RGS6: variants seen among roughly 807,000 people sequenced by gnomAD.
The protein encoded by RGS6 is regulator of G protein signaling 6.
Under a neutral mutation model 78.5 loss-of-function variants are expected in RGS6, and 30 were observed. That is an observed-to-expected ratio of 0.38 (90% CI 0.29 to 0.52). RGS6 has a LOEUF of 0.52. Ranked by LOEUF, RGS6 falls within the 20% of genes least tolerant of loss-of-function variation. The pLI, the probability that RGS6 is intolerant of heterozygous loss-of-function variation, is 0.85. For synonymous variants in RGS6, 206 were observed against 206.0 expected (o/e 1.00, Z 0.00); for missense variants, 495 against 609.7 (o/e 0.81, Z 1.98).
intron 2 of RGS6, among the ~76,000 whole-genome samples, chr14:72,004,285 A>G (rs920080634): frequency 3.9e-5 from 6 of 152,220 alleles, no homozygotes; most frequent in Non-Finnish European, 7.3e-5. Context: ...GGCTTTAAAA[A>G]ATATGAATGG....
rs1016654205 is a variant in RGS6 at position 72,480,853 on chromosome 14, C to T, written c.854+2524C>T. ...TCCATATCCCCCAGGAAACCGCATC[C>T]CCCAGGAAAGGTCTTCATCATTTTT... On this transcript the variant is annotated intron_variant, in intron 12 of 17. Transcript: ENST00000553525. Among the ~76,000 whole-genome samples the T allele has an allele frequency of 2.0e-5, 3 of 152,250 alleles. No individual in the cohort carries two copies. The South Asian group carries it at 6.2e-4, about 32-fold the overall frequency.
intron 2 of RGS6, among the ~76,000 whole-genome samples, chr14:72,238,365 G>C (rs143340893): frequency 1.3e-5 from 2 of 152,268 alleles, no homozygotes; most frequent in Non-Finnish European, 2.9e-5. Context: ...AGGCTTGAGG[G>C]TGGGGCCTTT....
chr14:71,888,295 G>A, the RGS6 span, among the ~76,000 whole-genome samples: 7 of 151,910 alleles, frequency 4.6e-5, no homozygotes, highest in African/African-American at 1.7e-4. Flanking sequence ...AGGTGTGGTG[G>A]TGGGCACCTG....
chr14:72,351,226 C>A (rs2079055151), intron 2 of RGS6, among the ~76,000 whole-genome samples: 1 of 152,158 alleles, frequency 6.6e-6, no homozygotes, highest in African/African-American at 2.4e-5. Flanking sequence ...GTTGCTCTCC[C>A]TTCCCCAAAC....
intron 17 of RGS6, chr14:72,540,830 A>C (rs2097315544): frequency 1.0e-6 from 1 of 985,294 alleles, no homozygotes; most frequent in Non-Finnish European, 1.2e-6. Flanking sequence ...AGATTCCTAC[A>C]GGTTCATGGT....
the RGS6 span, among the ~76,000 whole-genome samples, chr14:72,607,663 A>T: frequency 6.6e-6 from 1 of 152,194 alleles, no homozygotes; most frequent in Non-Finnish European, 1.5e-5. Context: ...TGTCTGTGTA[A>T]TCGTCTGCTG....
At chr14:72,072,317 T>G (rs542522942) in intron 2 of RGS6, among the ~76,000 whole-genome samples, 100 of 151,910 alleles carry the variant, frequency 6.6e-4, no homozygotes, top group Non-Finnish European at 8.5e-4. Flanking sequence ...TTGTTTGTTT[T>G]TTTTTTTTTT....
At chr14:72,482,042 C>T (rs565337118) in intron 12 of RGS6, among the ~76,000 whole-genome samples, 4 of 152,154 alleles carry the variant, frequency 2.6e-5, no homozygotes, top group East Asian at 1.9e-4. Context: ...GATCTCCTGA[C>T]GTCGTGATCC....
intron 2 of RGS6, among the ~76,000 whole-genome samples, chr14:72,214,776 T>C (rs904504408): frequency 1.3e-5 from 2 of 151,870 alleles, no homozygotes; most frequent in African/African-American, 4.8e-5. Flanking sequence ...CTGAGCAACA[T>C]AGTGAGACAC....
chr14:72,386,469 C>T (rs192103743), intron 3 of RGS6, among the ~76,000 whole-genome samples: 5 of 152,108 alleles, frequency 3.3e-5, no homozygotes, highest in East Asian at 1.9e-4. Flanking sequence ...ACCCTGAAGG[C>T]GGATGTTGCA....
chr14:72,112,082 G>T (rs1321966318), intron 2 of RGS6, among the ~76,000 whole-genome samples: 1 of 152,184 alleles, frequency 6.6e-6, no homozygotes, highest in Non-Finnish European at 1.5e-5. Flanking sequence ...GCTCTAAAAT[G>T]TACGAGGTTT....
chr14:72,087,806 T>A (rs1264643854), intron 2 of RGS6, among the ~76,000 whole-genome samples: 5 of 152,134 alleles, frequency 3.3e-5, no homozygotes, highest in African/African-American at 7.2e-5. Flanking sequence ...GGGCCAGTGA[T>A]GATAGTTTTT....
chr14:72,527,827 A>G (rs1485566429), intron 15 of RGS6, among the ~76,000 whole-genome samples: 1 of 152,184 alleles, frequency 6.6e-6, no homozygotes, highest in African/African-American at 2.4e-5. Flanking sequence ...AAGAGACTAC[A>G]TGGGACCCAA....
chr14:72,540,004 G>A (rs748440476), intron 16 of RGS6, 37 bp from the exon 17 acceptor site: 7 of 1,513,512 alleles, frequency 4.6e-6, no homozygotes, highest in Non-Finnish European at 6.1e-6. Flanking sequence ...TTTTTTTTCT[G>A]TATTTTTCTC....
chr14:72,213,523 G>A (rs1310974447), intron 2 of RGS6, among the ~76,000 whole-genome samples: 2 of 152,156 alleles, frequency 1.3e-5, no homozygotes, highest in African/African-American at 4.8e-5. Flanking sequence ...CTGTAGTGAA[G>A]CTTGTCTCCT....
intron 2 of RGS6, among the ~76,000 whole-genome samples, chr14:72,156,375 G>T (rs556418907): frequency 6.6e-6 from 1 of 151,402 alleles, no homozygotes; most frequent in East Asian, 1.9e-4. Context: ...GAACCCAGGA[G>T]GCAGAGGTTG....
intron 1 of RGS6, among the ~76,000 whole-genome samples, chr14:71,946,473 C>A (rs183025445): frequency 1.3e-5 from 2 of 152,262 alleles, no homozygotes; most frequent in East Asian, 3.9e-4. Context: ...TATCTTCCTA[C>A]CAAGGACTCA....
intron 7 of RGS6, among the ~76,000 whole-genome samples, chr14:72,468,706 T>G (rs1317511068): frequency 6.6e-6 from 1 of 152,192 alleles, no homozygotes; most frequent in Admixed American, 6.5e-5. Flanking sequence ...CTTTACCATG[T>G]CAGTAACTAT....
chr14:72,250,915 G>C (rs970239724), intron 2 of RGS6, among the ~76,000 whole-genome samples: 1 of 152,180 alleles, frequency 6.6e-6, no homozygotes, highest in Non-Finnish European at 1.5e-5. Context: ...ACTGATGAGA[G>C]AGATTAACAG....
Sources: gnomAD v4.1 joint callset for allele counts (sites outside exome capture counted in the v4.1 genomes callset) on GRCh38, gnomAD v4.1.1 for gene constraint, MANE v1.5 for transcripts, NCBI Gene and HGNC (gene_info 2026-07-23, HGNC 2026-07-21) for gene names.